Variants in PCDHGA2 observed in about 807,000 individuals in gnomAD.
PCDHGA2 encodes protocadherin gamma-A2.
PCDHGA2 carries 40 observed loss-of-function variants against 59.2 expected under a neutral mutation model. The ratio of observed to expected loss-of-function variants is 0.68; its 90% CI spans 0.52 to 0.88. The LOEUF (loss-of-function observed/expected upper bound fraction) is 0.88, where lower values mean the gene tolerates loss of function less well. PCDHGA2 is among the 40% of genes least tolerant of loss of function. PCDHGA2 has a pLI of 0.00. For missense variants in PCDHGA2, 1,226 were observed against 1,204.0 expected, an observed-to-expected ratio of 1.02 and a Z score of -0.27; for synonymous variants, 560 against 526.0, an observed-to-expected ratio of 1.06 and a Z score of -0.89.
intron 1 of PCDHGA2, chr5:141,419,370 A>G (rs1460064670): frequency 1.9e-6 from 3 of 1,613,574 alleles, no homozygotes; most frequent in African/African-American, 2.7e-5. Context: ...CTGTCGTCCT[A>G]CGTGTCCGTG....
At position 141,489,097 on chromosome 5, in the gene PCDHGA2, C is replaced by A; in HGVS notation, c.2425-5710C>A. ...ACCCCCGCCACTCGGTGACTAAGAA[C>A]TGCTGCAAGCAGGCAAACCTCCGAG... On this transcript the variant is annotated intron_variant, in intron 1 of 3. Transcript: ENST00000394576. This position sits in a 1 kb window ranked among gnomAD's most constrained non-coding sequence, Gnocchi z 4.5. The A allele has an allele frequency of 2.6e-5, 8 of 313,358 alleles. No homozygotes were observed. Among genetic ancestry groups the A allele is most frequent in the Non-Finnish European group, 3.5e-5 (6 of 172,456 alleles). The allele number at this position is 313,358 out of a possible 1,614,324, so 19.4% of individuals were successfully genotyped here. A position where few individuals can be genotyped will look rare whatever the true frequency, so the allele number is the denominator to read the frequency against.
At chr5:141,372,252 G>A (rs768560692) in intron 1 of PCDHGA2, 4 of 1,613,140 alleles carry the variant, frequency 2.5e-6, no homozygotes, top group Admixed American at 1.7e-5. Context: ...GTTCAGCCTG[G>A]GCCTGCGCAC....
chr5:141,477,630 T>G lies in PCDHGA2; in HGVS notation c.2425-17177T>G. The G allele has an allele frequency of 6.2e-7, 1 of 1,614,228 alleles. No homozygotes were observed. The highest frequency in any genetic ancestry group is 8.5e-7 in the Non-Finnish European group (1 of 1,180,042). ...TTGGAGCAAGGAGCTGAAACCGGGC[T>G]AGTGGGTCGCTATTTCACAATAAAT... On this transcript the variant is annotated intron_variant, in intron 1 of 3. Coordinates refer to ENST00000394576, the MANE Select transcript of PCDHGA2 (RefSeq NM_018915.4). The surrounding 1 kb of genome is among the most constrained non-coding windows in gnomAD (Gnocchi z 4.9).
chr5:141,496,984 G>C (rs938752499), intron 2 of PCDHGA2, among the ~76,000 whole-genome samples: 1 of 151,896 alleles, frequency 6.6e-6, no homozygotes, highest in Admixed American at 6.6e-5. Context: ...TCAGGGGTTT[G>C]AGACCAGCCT....
rs777924092 is a variant in PCDHGA2 at position 141,487,482 on chromosome 5, A to T, written c.2425-7325A>T. The T allele has an allele frequency of 1.2e-6, 2 of 1,614,164 alleles. No individual in the cohort carries two copies. Among genetic ancestry groups the T allele is most frequent in the South Asian group, 2.2e-5 (2 of 91,086 alleles). ...TTTGTTGATGTGGGAGGCCACTCTCATGGCTGTACACCCTTGGCTTCTGCA... is the reference window on the plus strand; with the variant it reads ...TTTGTTGATGTGGGAGGCCACTCTCTTGGCTGTACACCCTTGGCTTCTGCA... On this transcript the variant is annotated intron_variant, in intron 1 of 3. Coordinates refer to ENST00000394576, the MANE Select transcript of PCDHGA2 (RefSeq NM_018915.4). The surrounding 1 kb of genome is among the most constrained non-coding windows in gnomAD (Gnocchi z 5.0).
intron 1 of PCDHGA2, chr5:141,422,606 C>A: frequency 6.2e-7 from 1 of 1,613,904 alleles, no homozygotes; most frequent in Non-Finnish European, 8.5e-7. Context: ...TCTTACTCTG[C>A]CTACATTCCC....
At chr5:141,447,576 A>G (rs758449068) in intron 1 of PCDHGA2, among the ~76,000 whole-genome samples, 6 of 152,214 alleles carry the variant, frequency 3.9e-5, no homozygotes, top group African/African-American at 7.2e-5. Context: ...CTATGTCCAC[A>G]CATACCTTAA....
intron 3 of PCDHGA2, 73 bp from the exon 4 acceptor site, chr5:141,510,874 G>A (rs1419164967): frequency 3.7e-6 from 6 of 1,610,008 alleles, no homozygotes; most frequent in Admixed American, 1.7e-5. Context: ...TTCATTAACT[G>A]CTGGGGATAT....
At chr5:141,425,173 T>A (rs182492696) in intron 1 of PCDHGA2, among the ~76,000 whole-genome samples, 5 of 152,284 alleles carry the variant, frequency 3.3e-5, no homozygotes, top group Admixed American at 3.3e-4. Context: ...GGATTTATAC[T>A]TGTGGAATTC....
intron 1 of PCDHGA2, among the ~76,000 whole-genome samples, chr5:141,405,967 G>A (rs76683972): frequency 6.6e-6 from 1 of 152,068 alleles, no homozygotes; most frequent in Non-Finnish European, 1.5e-5. Flanking sequence ...TGCTGTCAAC[G>A]TAAACCATAC....
In PCDHGA2 at chr5:141,372,730, ATCT is replaced by A. The variant is rs751345248; in HGVS notation, c.2424+31339_2424+31341del. On this transcript the variant is annotated intron_variant, in intron 1 of 3. Transcript: ENST00000394576. ...AAGGCTGAAAATGCTGCACCACAAG[ATCT>A]TCTATGTGATGAAGCCTCTTGGTTT... 33 of 1,613,530 alleles carry A rather than the reference ATCT, an allele frequency of 2.0e-5. No homozygotes were observed. In the East Asian group the frequency reaches 7.1e-4, roughly 35 times the overall value.
At chr5:141,503,004 C>T (rs114294610) in intron 2 of PCDHGA2, among the ~76,000 whole-genome samples, 5,013 of 145,894 alleles carry the variant, frequency 0.034, 127 homozygotes, top group South Asian at 0.076. Context: ...CCACCATGCC[C>T]GGTTAATTTT....
chr5:141,402,100 A>G (rs1589449876), intron 1 of PCDHGA2, among the ~76,000 whole-genome samples: 1 of 152,220 alleles, frequency 6.6e-6, no homozygotes, highest in South Asian at 2.1e-4. Flanking sequence ...AGTTTAAGCA[A>G]TTACAAAAAT....
chr5:141,388,871 C>G, intron 1 of PCDHGA2: 1 of 1,613,930 alleles, frequency 6.2e-7, no homozygotes, highest in Non-Finnish European at 8.5e-7. Flanking sequence ...TTGCGCAATG[C>G]ACAGTGGAGG....
Position 141,432,668 on chromosome 5 carries a change from G to C in PCDHGA2, c.2425-62139G>C, listed in dbSNP as rs1202414814. 2.5e-6 allele frequency: 4 copies of C among 1,613,742 alleles called. No individual in the cohort carries two copies. The highest frequency in any genetic ancestry group is 2.2e-5 in the South Asian group (2 of 91,068). On this transcript the variant is annotated intron_variant, in intron 1 of 3. Coordinates refer to ENST00000394576, the MANE Select transcript of PCDHGA2 (RefSeq NM_018915.4). This position sits in a 1 kb window ranked among gnomAD's most constrained non-coding sequence, Gnocchi z 6.0. The stretch of plus-strand genomic sequence containing the variant: ...GGCGCGAGCCCTGCTGGACAGAGAC[G>C]CGCTCAAGCAGAGCCTCGTAGTGGC...
chr5:141,478,454 A>T, intron 1 of PCDHGA2: 1 of 1,613,596 alleles, frequency 6.2e-7, no homozygotes. Flanking sequence ...TGGTGCAGCC[A>T]GTCCACTGGC....
intron 1 of PCDHGA2, chr5:141,409,471 A>G (rs2095271616): frequency 1.2e-6 from 2 of 1,613,860 alleles, no homozygotes; most frequent in Non-Finnish European, 1.7e-6. Flanking sequence ...TCACCATCGT[A>G]GCCACTGACA....
rs191916514 is a variant in PCDHGA2, at chr5:141,456,716, G to A, written c.2425-38091G>A. 3.9e-3 allele frequency among the ~76,000 whole-genome samples: 589 copies of A among 152,314 alleles called. 5 individuals carry two copies. Among genetic ancestry groups the A allele is most frequent in the Admixed American group, 0.011 (169 of 15,300 alleles). On this transcript the variant is annotated intron_variant, in intron 1 of 3. Transcript: ENST00000394576. ...GTGGTGGCTCGCGCCTGTAATCCCA[G>A]CACTTTGGGAGGCTGAGGCGGGAGC...
intron 1 of PCDHGA2, chr5:141,399,976 C>CTGCGCACAGGAGAGG: frequency 1.2e-6 from 2 of 1,612,242 alleles, no homozygotes; most frequent in Non-Finnish European, 1.7e-6. Flanking sequence ...CAGCCTGGGG[C>CTGCGCACAGGAGAGG]TGCGCACAGG....
Sources: allele counts gnomAD v4.1 joint callset (sites outside exome capture counted in the v4.1 genomes callset), GRCh38; gene constraint gnomAD v4.1.1; non-coding constraint Gnocchi (gnomAD v3.1); transcripts MANE v1.5; gene names NCBI Gene and HGNC (gene_info 2026-07-23, HGNC 2026-07-21).